Variants in ARHGEF33 observed in about 807,000 individuals in gnomAD.
ARHGEF33 encodes DH and coiled-coil domain-containing protein ENSP00000381780.
Under a neutral mutation model 101.9 loss-of-function variants are expected in ARHGEF33, and 72 were observed. The observed-to-expected ratio is 0.71, with a 90% CI of 0.58 to 0.86. The LOEUF (loss-of-function observed/expected upper bound fraction) is 0.86, where lower values mean the gene tolerates loss of function less well. Among genes scored for constraint, ARHGEF33 ranks in the 40% least tolerant of loss-of-function variants. ARHGEF33 has a pLI of 0.00. For synonymous variants in ARHGEF33, 499 were observed against 442.5 expected (o/e 1.13, Z -1.60); for missense variants, 1,169 against 1,111.3 (o/e 1.05, Z -0.74).
intron 10 of ARHGEF33, among the ~76,000 whole-genome samples, chr2:38,946,718 C>T (rs1012357175): frequency 6.6e-6 from 1 of 152,136 alleles, no homozygotes; most frequent in African/African-American, 2.4e-5. Context: ...CTCCACTTCC[C>T]GGGTTCAAGT....
At position 38,919,558 on chromosome 2, in the gene ARHGEF33, G is replaced by A. The variant is rs558822315; in HGVS notation, c.25+86G>A. On this transcript the variant is annotated intron_variant, in intron 3 of 17. Transcript: ENST00000409978. ...TTGTCTTACCACTGTCTCGAGACAT[G>A]ACAGTATGTTAACTATTTTCATTTC... The A allele has an allele frequency of 1.6e-4, 215 of 1,313,816 alleles. 3 individuals carry two copies. The South Asian group carries it at 2.6e-3, about 16-fold the overall frequency. The allele number at this position is 1,313,816 out of a possible 1,614,324, so 81.4% of individuals were successfully genotyped here. A position where few individuals can be genotyped will look rare whatever the true frequency, so the allele number is the denominator to read the frequency against.
At chr2:38,911,566 A>G (rs980086110) in intron 2 of ARHGEF33, among the ~76,000 whole-genome samples, 13 of 152,268 alleles carry the variant, frequency 8.5e-5, no homozygotes, top group African/African-American at 2.6e-4. Flanking sequence ...AGTATTCTTT[A>G]GGTTTCTGTT....
intron 2 of ARHGEF33, 69 bp from the exon 3 acceptor site, chr2:38,919,294 T>G: frequency 1.4e-6 from 1 of 701,698 alleles, no homozygotes; most frequent in East Asian, 2.8e-5. Flanking sequence ...TTTTTACTAA[T>G]GTAAGAAGTA....
At chr2:38,952,468 G>A (rs1207821684) in intron 11 of ARHGEF33, among the ~76,000 whole-genome samples, 1 of 152,202 alleles carries the variant, frequency 6.6e-6, no homozygotes, top group Non-Finnish European at 1.5e-5. Context: ...CATGAAGTGG[G>A]ATGGGCAGAG....
chr2:38,942,212 A>G (rs567413576), intron 9 of ARHGEF33, among the ~76,000 whole-genome samples: 24 of 128,890 alleles, frequency 1.9e-4, no homozygotes, highest in African/African-American at 7.2e-4. Context: ...TGTCACACCC[A>G]GGAGGAGTGC....
At chr2:38,918,848 C>T (rs1666691971) in intron 2 of ARHGEF33, among the ~76,000 whole-genome samples, 1 of 143,346 alleles carries the variant, frequency 7.0e-6, no homozygotes, top group Admixed American at 7.4e-5. Context: ...TGAGAACAAC[C>T]TGGGCAACAT....
chr2:38,893,019 A>G (rs1192826291), intron 1 of ARHGEF33, among the ~76,000 whole-genome samples: 1 of 152,208 alleles, frequency 6.6e-6, no homozygotes, highest in East Asian at 1.9e-4. Flanking sequence ...TCCACTGCAG[A>G]GCAAGCTCCA....
chr2:38,973,683 C>T, intron 17 of ARHGEF33, 31 bp from the exon 18 acceptor site: 1 of 1,480,312 alleles, frequency 6.8e-7, no homozygotes, highest in Non-Finnish European at 9.0e-7. Flanking sequence ...ACCAAATCAA[C>T]CTGTACTTTA....
In ARHGEF33 at chr2:38,954,443, T is replaced by C; in HGVS notation, c.1208T>C (p.Leu403Pro). The C allele has an allele frequency of 6.5e-7, 1 of 1,549,412 alleles. No individual in the cohort carries two copies. The highest frequency in any genetic ancestry group is 8.7e-7 in the Non-Finnish European group (1 of 1,144,886). The change falls in exon 13 of 18, where the codon CTG becomes CCG. Residue 403 changes from leucine (L) to proline (P), a missense_variant. By Grantham distance (98) the Leu-to-Pro change is moderately conservative. Coordinates refer to ENST00000409978, the MANE Select transcript of ARHGEF33 (RefSeq NM_001145451.5). ...FHIVQRIPEY[L>P]IHLQNVLKFT... ...ATAGTCCAGCGCATCCCTGAATATC[T>C]GATACATCTGCAGGTAGGCATGGGT...
At chr2:38,949,909 A>C (rs935119133) in intron 10 of ARHGEF33, among the ~76,000 whole-genome samples, 1 of 152,232 alleles carries the variant, frequency 6.6e-6, no homozygotes, top group Non-Finnish European at 1.5e-5. Context: ...ACTTTTAAAC[A>C]GCCAGAATTC....
At chr2:38,916,733 A>G (rs1666642297) in intron 2 of ARHGEF33, among the ~76,000 whole-genome samples, 1 of 152,074 alleles carries the variant, frequency 6.6e-6, no homozygotes, top group Non-Finnish European at 1.5e-5. Flanking sequence ...TTTGCTTTAT[A>G]AACCTCAGTA....
intron 17 of ARHGEF33, chr2:38,972,931 C>G (rs1450373169): frequency 6.6e-6 from 1 of 152,152 alleles, no homozygotes; most frequent in African/African-American, 2.4e-5. Flanking sequence ...TTTACCCATT[C>G]TAGGTCAGAG....
At chr2:38,896,273 G>T (rs1666120805) in intron 2 of ARHGEF33, among the ~76,000 whole-genome samples, 1 of 152,078 alleles carries the variant, frequency 6.6e-6, no homozygotes, top group Admixed American at 6.5e-5. Flanking sequence ...CGAGTAGCTG[G>T]GATTACAGGC....
At chr2:38,897,329 A>G (rs1666144263) in intron 2 of ARHGEF33, among the ~76,000 whole-genome samples, 1 of 152,200 alleles carries the variant, frequency 6.6e-6, no homozygotes, top group African/African-American at 2.4e-5. Context: ...CACACTTTCT[A>G]TCCACTTAAA....
At chr2:38,933,465 C>A (rs1667058898) in intron 7 of ARHGEF33, among the ~76,000 whole-genome samples, 1 of 152,026 alleles carries the variant, frequency 6.6e-6, no homozygotes, top group African/African-American at 2.4e-5. Context: ...CTCACTGCAA[C>A]CTCCACCTCC....
intron 14 of ARHGEF33, 86 bp downstream of exon 14, chr2:38,957,133 C>A: frequency 6.8e-7 from 1 of 1,462,192 alleles, no homozygotes; most frequent in Non-Finnish European, 9.3e-7. Context: ...GTGTTAAGTA[C>A]CTGAAATGCA....
chr2:38,935,691 C>A (rs113718702), intron 7 of ARHGEF33, 84 bp from the exon 8 acceptor site: 2 of 1,075,084 alleles, frequency 1.9e-6, no homozygotes, highest in Non-Finnish European at 2.8e-6. Context: ...ATCTCTGAGT[C>A]TGCCCCCAGT....
chr2:38,901,140 C>G (rs1358716919), intron 2 of ARHGEF33, among the ~76,000 whole-genome samples: 2 of 152,084 alleles, frequency 1.3e-5, no homozygotes, highest in African/African-American at 2.4e-5. Flanking sequence ...GCATTTCTTT[C>G]TTTTTATTTA....
intron 2 of ARHGEF33, among the ~76,000 whole-genome samples, chr2:38,901,142 T>TTTTA (rs766775785): frequency 8.5e-4 from 129 of 152,252 alleles, no homozygotes; most frequent in Non-Finnish European, 4.3e-4. Flanking sequence ...ATTTCTTTCT[T>TTTTA]TTTATTTATT....
Sources: gnomAD v4.1 joint callset for allele counts (sites outside exome capture counted in the v4.1 genomes callset) on GRCh38, gnomAD v4.1.1 for gene constraint, MANE v1.5 for transcripts, NCBI Gene and HGNC (gene_info 2026-07-23, HGNC 2026-07-21) for gene names.